Variants in SLC13A1 observed in about 807,000 individuals in gnomAD.
The protein encoded by SLC13A1 is solute carrier family 13 member 1, also known as Na(+)/sulfate cotransporter.
Under a neutral mutation model 70.0 loss-of-function variants are expected in SLC13A1, and 65 were observed. That is an observed-to-expected ratio of 0.93 (90% CI 0.76 to 1.14). The LOEUF (loss-of-function observed/expected upper bound fraction) is 1.14, where lower values mean the gene tolerates loss of function less well. Among genes scored for constraint, SLC13A1 ranks in the 50% most tolerant of loss-of-function variants. The pLI is 0.00. For missense variants in SLC13A1, 726 were observed against 717.8 expected (o/e 1.01, Z -0.13); for synonymous variants, 275 against 250.5 (o/e 1.10, Z -0.92).
intron 7 of SLC13A1, among the ~76,000 whole-genome samples, chr7:123,138,972 T>C (rs573527280): frequency 6.6e-6 from 1 of 152,284 alleles, no homozygotes; most frequent in East Asian, 1.9e-4. Flanking sequence ...TGTGGGGTAT[T>C]ATTCAAGAAA....
chr7:123,126,123 T>A (rs1331712254), intron 10 of SLC13A1, among the ~76,000 whole-genome samples: 2 of 152,204 alleles, frequency 1.3e-5, no homozygotes, highest in Non-Finnish European at 2.9e-5. Flanking sequence ...GGCGTGATAT[T>A]TCTGTGTTCC....
chr7:123,149,338 T>C lies in SLC13A1; in HGVS notation c.661-2028A>G. 1.9e-5 allele frequency: 7 copies of C among 370,612 alleles called. 1 individual carries two copies. Among genetic ancestry groups the C allele is most frequent in the South Asian group, 1.4e-4 (7 of 48,630 alleles). 23.0% of individuals were successfully genotyped at this position (370,612 alleles called of 1,614,324 possible). On this transcript the variant is annotated intron_variant, in intron 6 of 14. Transcript: ENST00000194130. ...GAAATTCAGCCACGAGTTTTTACTT[T>C]ATAATTTTTCAAGAATGTGTCAAAC...
intron 1 of SLC13A1, among the ~76,000 whole-genome samples, chr7:123,194,260 G>A (rs138385668): frequency 7.2e-4 from 110 of 152,116 alleles, no homozygotes; most frequent in Non-Finnish European, 1.1e-3. Flanking sequence ...AGAAGGGTGA[G>A]GTAAGAGGAG....
intron 14 of SLC13A1, among the ~76,000 whole-genome samples, chr7:123,117,117 G>A (rs1793205823): frequency 2.0e-5 from 3 of 152,138 alleles, no homozygotes; most frequent in Non-Finnish European, 4.4e-5. Context: ...TTTGATTGCT[G>A]ATTTCTTTAA....
intron 6 of SLC13A1, among the ~76,000 whole-genome samples, chr7:123,149,782 T>C (rs1400818647): frequency 6.6e-6 from 1 of 152,166 alleles, no homozygotes; most frequent in African/African-American, 2.4e-5. Flanking sequence ...ATCTCTACAG[T>C]CCTTCAACTG....
intron 1 of SLC13A1, among the ~76,000 whole-genome samples, chr7:123,181,604 C>T (rs965223931): frequency 1.3e-5 from 2 of 152,058 alleles, no homozygotes; most frequent in Non-Finnish European, 2.9e-5. Flanking sequence ...GAAACCTTTG[C>T]CGTACTGTGT....
intron 1 of SLC13A1, among the ~76,000 whole-genome samples, chr7:123,182,279 C>G (rs1222144099): frequency 6.6e-6 from 1 of 152,088 alleles, no homozygotes; most frequent in African/African-American, 2.4e-5. Flanking sequence ...AAAGGTTGTG[C>G]ATTTTCTCTT....
At chr7:123,168,870 G>A (rs987437680) in intron 4 of SLC13A1, among the ~76,000 whole-genome samples, 1 of 152,156 alleles carries the variant, frequency 6.6e-6, no homozygotes, top group Non-Finnish European at 1.5e-5. Flanking sequence ...AGAGTAACCT[G>A]GAGGTCTACT....
At chr7:123,176,345 T>C (rs116845324) in intron 2 of SLC13A1, among the ~76,000 whole-genome samples, 2,448 of 152,290 alleles carry the variant, frequency 0.016, 31 homozygotes, top group Middle Eastern at 0.034. Flanking sequence ...TGTTGGTTTG[T>C]AAATTACACT....
At chr7:123,170,017 GTAGTTAT>G (rs150920119) in intron 3 of SLC13A1, among the ~76,000 whole-genome samples, 2,046 of 152,174 alleles carry the variant, frequency 0.013, 50 homozygotes, top group African/African-American at 0.047. Flanking sequence ...TATAAATAGA[GTAGTTAT>G]TAGTTATTCT....
rs1440422961 is a variant in SLC13A1, at chr7:123,129,462, A to T, written c.952T>A (p.Cys318Ser). ...TGTTGGACTGTTTTGGTTTTGCCAC[A>T]TTTGAACATCTCCTTAAAACTGCAA... is the stretch of plus-strand genomic sequence containing the variant. Reference protein sequence around the residue: ...LGFNFKEMFKCGKTKTVQQKA... With the variant: ...LGFNFKEMFKSGKTKTVQQKA... The change falls in exon 9 of 15, where the codon TGT becomes AGT. Residue 318 changes from cysteine to serine, a missense_variant. Cys to Ser is a moderately radical substitution (Grantham distance 112). Transcript: ENST00000194130. 1.9e-6 allele frequency: 3 copies of T among 1,612,942 alleles called. No individual in the cohort carries two copies. The African/African-American group carries it at 4.0e-5, about 22-fold the overall frequency.
intron 1 of SLC13A1, among the ~76,000 whole-genome samples, chr7:123,191,847 T>A (rs1479985711): frequency 6.6e-6 from 1 of 152,196 alleles, no homozygotes; most frequent in Non-Finnish European, 1.5e-5. Context: ...TATATATTTT[T>A]AAAATTTACT....
intron 14 of SLC13A1, among the ~76,000 whole-genome samples, chr7:123,116,784 G>A (rs1462765514): frequency 6.6e-6 from 1 of 152,148 alleles, no homozygotes; most frequent in African/African-American, 2.4e-5. Context: ...ATTTGCATAG[G>A]AAGCTCACTA....
chr7:123,125,586 G>T lies in SLC13A1; in HGVS notation c.1223C>A (p.Thr408Lys). Reference sequence around the variant, plus strand: ...TACTCAACCAATTTCTCCTGTAGGTGTAGTTTTAGTCAGTGTCTTAGCTGG... The same window carrying T: ...TACTCAACCAATTTCTCCTGTAGGTTTAGTTTTAGTCAGTGTCTTAGCTGG... ...LIPAKTLTKT[T>K]PTGEIVAFDY... Residue 408 changes from threonine (T) to lysine (K), a missense_variant, in exon 11 of 15, where the codon ACA (threonine) becomes AAA (lysine). Thr to Lys is a moderately conservative substitution (Grantham distance 78). Transcript: ENST00000194130. 6.2e-7 allele frequency: 1 copy of T among 1,608,676 alleles called. No individual in the cohort carries two copies. The highest frequency in any genetic ancestry group is 1.1e-5 in the South Asian group (1 of 90,760).
rs188707324 is a variant in SLC13A1, at chr7:123,171,284, G to C, written c.365+484C>G. 7.5e-3 allele frequency among the ~76,000 whole-genome samples: 1,146 copies of C among 152,236 alleles called. 6 individuals carry two copies. Among genetic ancestry groups the C allele is most frequent in the Middle Eastern group, 0.031 (9 of 294 alleles). On this transcript the variant is annotated intron_variant, in intron 3 of 14. Coordinates refer to ENST00000194130, the MANE Select transcript of SLC13A1 (RefSeq NM_022444.4). ...TGATTTTTTCACTTTGCAACAGTTG[G>C]TTTAAAAAGAAAAATATTCACCTTG...
chr7:123,149,272 C>T (rs1359081881), intron 6 of SLC13A1, among the ~76,000 whole-genome samples: 1 of 152,130 alleles, frequency 6.6e-6, no homozygotes, highest in Non-Finnish European at 1.5e-5. Context: ...CACCTCTGTC[C>T]TGTTGTCAGT....
At chr7:123,161,774 A>G (rs570274317) in intron 6 of SLC13A1, among the ~76,000 whole-genome samples, 1 of 152,178 alleles carries the variant, frequency 6.6e-6, no homozygotes, top group South Asian at 2.1e-4. Flanking sequence ...AAAAGAAAAC[A>G]AGAGAATGAT....
At chr7:123,150,571 A>G (rs988164124) in intron 6 of SLC13A1, among the ~76,000 whole-genome samples, 1 of 152,144 alleles carries the variant, frequency 6.6e-6, no homozygotes. Flanking sequence ...AGTTGTTTAC[A>G]TTCACTGACT....
intron 6 of SLC13A1, among the ~76,000 whole-genome samples, chr7:123,165,631 A>C (rs375389181): frequency 6.6e-6 from 1 of 152,294 alleles, no homozygotes; most frequent in East Asian, 1.9e-4. Context: ...CGCAGTTTTA[A>C]GGCTTTGCGT....
Sources: gnomAD v4.1 joint callset for allele counts (sites outside exome capture counted in the v4.1 genomes callset) on GRCh38, gnomAD v4.1.1 for gene constraint, MANE v1.5 for transcripts, NCBI Gene and HGNC (gene_info 2026-07-23, HGNC 2026-07-21) for gene names.